MMAB: variants seen among roughly 807,000 people sequenced by gnomAD.
MMAB encodes corrinoid adenosyltransferase MMAB.
MMAB carries 17 observed loss-of-function variants against 30.6 expected under a neutral mutation model. The ratio of observed to expected loss-of-function variants is 0.56; its 90% confidence interval spans 0.38 to 0.83. MMAB has a LOEUF of 0.83. Among genes scored for constraint, MMAB ranks in the 40% least tolerant of loss-of-function variants. MMAB has a pLI of 0.00. For missense variants in MMAB, 311 were observed against 331.6 expected (o/e 0.94, Z 0.48); for synonymous variants, 134 against 138.6 (o/e 0.97, Z 0.23).
intron 2 of MMAB, among the ~76,000 whole-genome samples, chr12:109,570,672 C>T (rs1884600340): frequency 6.6e-6 from 1 of 152,016 alleles, no homozygotes; most frequent in Non-Finnish European, 1.5e-5. Flanking sequence ...CAGTTCAAGA[C>T]CAGCCTGGGC....
chr12:109,557,661 G>A (rs189310631), intron 8 of MMAB, among the ~76,000 whole-genome samples: 95 of 152,278 alleles, frequency 6.2e-4, no homozygotes, highest in South Asian at 1.7e-3. Flanking sequence ...CTGTGTGTTC[G>A]GGGCTGTCCT....
rs1884545469 is a variant in MMAB at position 109,569,120 on chromosome 12, A to G, written c.197-257T>C. 1.3e-5 allele frequency among the ~76,000 whole-genome samples: 2 copies of G among 151,850 alleles called. No individual in the cohort carries two copies. The highest frequency in any genetic ancestry group is 2.9e-5 in the Non-Finnish European group (2 of 67,982). On this transcript the variant is annotated intron_variant, in intron 2 of 8. Transcript: ENST00000545712. The surrounding 1 kb of genome is among the most constrained non-coding windows in gnomAD (Gnocchi z 4.1). ...ACCACCATGCCCGGCTAATTTTTGTATTTTTAGTAGAGACGGGTTTTCGCC... is the reference window on the plus strand; with the variant it reads ...ACCACCATGCCCGGCTAATTTTTGTGTTTTTAGTAGAGACGGGTTTTCGCC...
chr12:109,555,275 GTTTTTTTTTTT>G lies in MMAB; in HGVS notation c.*1742_*1752del, dbSNP rs746823302. 25,092 of 344,160 alleles carry G rather than the reference GTTTTTTTTTTT, an allele frequency of 0.073. 581 individuals are homozygous for G. The highest frequency in any genetic ancestry group is 0.11 in the Middle Eastern group (110 of 1,042). The allele number at this position is 344,160 out of a possible 1,614,324, so 21.3% of individuals were successfully genotyped here. On this transcript the variant is annotated 3_prime_UTR_variant, in exon 9 of 9. Transcript: ENST00000545712. ...GAGCCTTAGTGATTGCGTTTTCAGG[GTTTTTTTTTTT>G]TTTTTTTTTTTTTTGTGACGGAGTC...
chr12:109,566,704 C>T (rs1317286994), intron 3 of MMAB, among the ~76,000 whole-genome samples: 1 of 152,162 alleles, frequency 6.6e-6, no homozygotes, highest in Non-Finnish European at 1.5e-5. Flanking sequence ...CTCAGGAAGG[C>T]GGGGCTGAGG....
At position 109,561,368 on chromosome 12, in the gene MMAB, T is replaced by G; in HGVS notation, c.519+52A>C. On this transcript the variant is annotated intron_variant, in intron 6 of 8. Transcript: ENST00000545712. The surrounding 1 kb of genome is among the most constrained non-coding windows in gnomAD (Gnocchi z 5.3). ...GATTTATTCAGAGCCCATGTGTGTCTGTCACTGAACCTGCCTGCAGCCGCC... is the reference window on the plus strand; with the variant it reads ...GATTTATTCAGAGCCCATGTGTGTCGGTCACTGAACCTGCCTGCAGCCGCC... 4.5e-6 allele frequency: 7 copies of G among 1,544,246 alleles called. No individual in the cohort carries two copies. Among genetic ancestry groups the G allele is most frequent in the Non-Finnish European group, 6.1e-6 (7 of 1,144,856 alleles).
At position 109,568,898 on chromosome 12, in the gene MMAB, A is replaced by G; in HGVS notation, c.197-35T>C. On this transcript the variant is annotated intron_variant, in intron 2 of 8. Transcript: ENST00000545712. ...AAAATGTTTAGCCACCCAAATTAAG[A>G]TTCTGTTTTCCTGATATGCTGTTTT... is the stretch of plus-strand genomic sequence containing the variant. The G allele has an allele frequency of 2.7e-6, 4 of 1,469,510 alleles. No individual in the cohort carries two copies. In the African/African-American group the frequency reaches 4.2e-5, roughly 15 times the overall value. 91.0% of individuals were successfully genotyped at this position (1,469,510 alleles called of 1,614,324 possible). A position where few individuals can be genotyped will look rare whatever the true frequency, so the allele number is the denominator to read the frequency against.
intron 7 of MMAB, 104 bp from the exon 8 acceptor site, chr12:109,559,259 C>G: frequency 1.1e-6 from 1 of 870,466 alleles, no homozygotes; most frequent in East Asian, 2.5e-5. Context: ...CACCGCTCAA[C>G]CTGAACCTGC....
intron 1 of MMAB, among the ~76,000 whole-genome samples, chr12:109,572,897 A>G (rs1227694511): frequency 6.6e-6 from 1 of 152,202 alleles, no homozygotes; most frequent in African/African-American, 2.4e-5. Flanking sequence ...AAAATGTGAC[A>G]TTACAAGCCC....
rs34507867 is a variant in MMAB at position 109,555,449 on chromosome 12, ATTTTT to A, written c.*1574_*1578del. ...AGGCACCCGCCACCATGCCCAGCTA[ATTTTT>A]TTTTTTTTTTTTTTTTTTTAGCAGA... is the stretch of plus-strand genomic sequence containing the variant. On this transcript the variant is annotated 3_prime_UTR_variant, in exon 9 of 9. Coordinates refer to ENST00000545712, the MANE Select transcript of MMAB (RefSeq NM_052845.4). 995 of 317,564 alleles carry A rather than the reference ATTTTT, an allele frequency of 3.1e-3. No homozygotes were observed. The highest frequency in any genetic ancestry group is 4.3e-3 in the Middle Eastern group (4 of 926). 19.7% of individuals were successfully genotyped at this position (317,564 alleles called of 1,614,324 possible). A position where few individuals can be genotyped will look rare whatever the true frequency, so the allele number is the denominator to read the frequency against.
chr12:109,556,544 T>G lies in MMAB; in HGVS notation c.*484A>C. 2.2e-6 allele frequency: 1 copy of G among 453,914 alleles called. No homozygotes were observed. The highest frequency in any genetic ancestry group is 4.4e-6 in the Non-Finnish European group (1 of 226,828). The allele number at this position is 453,914 out of a possible 1,614,324, so 28.1% of individuals were successfully genotyped here. ...GCCTTCCCCTTTACAAATGTGACATTTAAAGCACCTTTGGCACAGGTAAAT... is the reference window on the plus strand; with the variant it reads ...GCCTTCCCCTTTACAAATGTGACATGTAAAGCACCTTTGGCACAGGTAAAT... On this transcript the variant is annotated 3_prime_UTR_variant, in exon 9 of 9. Coordinates refer to ENST00000545712, the MANE Select transcript of MMAB (RefSeq NM_052845.4).
chr12:109,564,562 T>TA (rs1171195528), intron 4 of MMAB, among the ~76,000 whole-genome samples: 53 of 151,782 alleles, frequency 3.5e-4, no homozygotes, highest in African/African-American at 1.1e-3. Context: ...TTTTAATTTT[T>TA]TTTTTTTTTT....
chr12:109,563,962 C>T (rs924470715), intron 4 of MMAB, among the ~76,000 whole-genome samples: 49 of 152,332 alleles, frequency 3.2e-4, no homozygotes, highest in Middle Eastern at 3.4e-3. Context: ...AAGTTCTCTG[C>T]GTGGGTCAGA....
chr12:109,554,531 TAAATAA>T lies in MMAB; in HGVS notation c.*2491_*2496del, dbSNP rs777579904. The T allele has an allele frequency of 3.7e-5, 17 of 454,136 alleles. No individual in the cohort carries two copies. Among genetic ancestry groups the T allele is most frequent in the South Asian group, 2.6e-4 (17 of 64,472 alleles). The allele number at this position is 454,136 out of a possible 1,614,324, so 28.1% of individuals were successfully genotyped here. A position where few individuals can be genotyped will look rare whatever the true frequency, so the allele number is the denominator to read the frequency against. ...TACGATAAGCAAGGGATCACGACTT[TAAATAA>T]AAACAGGCTGCTGTTTGTTTCAAAA... On this transcript the variant is annotated 3_prime_UTR_variant, in exon 9 of 9. Transcript: ENST00000545712.
At position 109,572,899 on chromosome 12, in the gene MMAB, T is replaced by C. The variant is rs72651711; in HGVS notation, c.134+448A>G. 2.0e-5 allele frequency among the ~76,000 whole-genome samples: 3 copies of C among 152,314 alleles called. No individual in the cohort carries two copies. The East Asian group carries it at 5.8e-4, about 29-fold the overall frequency. ...ATAGCTCAAAATTAAAATGTGACAT[T>C]ACAAGCCCATTCGAAGGTTAATTTC... On this transcript the variant is annotated intron_variant, in intron 1 of 8. Transcript: ENST00000545712.
In MMAB at chr12:109,553,758, T is replaced by C. The variant is rs1883871472; in HGVS notation, c.*3270A>G. 2.4e-6 allele frequency: 1 copy of C among 421,824 alleles called. No individual in the cohort carries two copies. The highest frequency in any genetic ancestry group is 1.7e-5 in the South Asian group (1 of 59,788). The allele number at this position is 421,824 out of a possible 1,614,324, so 26.1% of individuals were successfully genotyped here. On this transcript the variant is annotated 3_prime_UTR_variant, in exon 9 of 9. Coordinates refer to ENST00000545712, the MANE Select transcript of MMAB (RefSeq NM_052845.4). ...GGAATTTATTATACAAAGAATTTTATTCAATTAAACTTGAAATGCATCTGG... is the reference window on the plus strand; with the variant it reads ...GGAATTTATTATACAAAGAATTTTACTCAATTAAACTTGAAATGCATCTGG...
At chr12:109,560,970 TCTC>T in intron 7 of MMAB, 67 bp downstream of exon 7, 3 of 808,194 alleles carry the variant, frequency 3.7e-6, no homozygotes, top group Admixed American at 4.0e-5. Context: ...CTCCTCTCCC[TCTC>T]CCTCCCCCCT....
chr12:109,567,172 GAAAAA>G, intron 3 of MMAB: 1 of 318,896 alleles, frequency 3.1e-6, no homozygotes, highest in Admixed American at 3.8e-5. Context: ...CTCCGTCTCG[GAAAAA>G]AAAAAAAAAG....
At position 109,555,960 on chromosome 12, in the gene MMAB, C is replaced by T. The variant is rs2136190757; in HGVS notation, c.*1068G>A. 8.8e-6 allele frequency: 4 copies of T among 453,978 alleles called. No homozygotes were observed. Among genetic ancestry groups the T allele is most frequent in the Non-Finnish European group, 1.8e-5 (4 of 226,684 alleles). 28.1% of individuals were successfully genotyped at this position (453,978 alleles called of 1,614,324 possible). A position where few individuals can be genotyped will look rare whatever the true frequency, so the allele number is the denominator to read the frequency against. ...CAATATGTGATGGCTGAATGGAGTTCGCCAGGCATTTCAGCCCTGAAACTG... is the reference window on the plus strand; with the variant it reads ...CAATATGTGATGGCTGAATGGAGTTTGCCAGGCATTTCAGCCCTGAAACTG... On this transcript the variant is annotated 3_prime_UTR_variant, in exon 9 of 9. Transcript: ENST00000545712.
intron 7 of MMAB, among the ~76,000 whole-genome samples, chr12:109,560,372 C>T (rs1884149917): frequency 6.6e-6 from 1 of 152,218 alleles, no homozygotes; most frequent in Non-Finnish European, 1.5e-5. Context: ...CCAGGGCTAT[C>T]AACAAGGAGT....
Sources: gnomAD v4.1 joint callset for allele counts (sites outside exome capture counted in the v4.1 genomes callset) on GRCh38, gnomAD v4.1.1 for gene constraint, Gnocchi (gnomAD v3.1) non-coding constraint, MANE v1.5 for transcripts, NCBI Gene and HGNC (gene_info 2026-07-23, HGNC 2026-07-21) for gene names.